Variants in CACNA1D observed in about 807,000 individuals in gnomAD.
CACNA1D encodes the protein voltage-dependent L-type calcium channel subunit alpha-1D.
Under a neutral mutation model 257.1 loss-of-function variants are expected in CACNA1D, and 55 were observed. That is an observed-to-expected ratio of 0.21 (90% CI 0.17 to 0.27). The LOEUF is 0.27. Ranked by LOEUF, CACNA1D falls within the 10% of genes least tolerant of loss-of-function variation. The probability of loss-of-function intolerance (pLI) is 1.00; values close to 1 mark genes in which losing one functional copy is unlikely to be tolerated. For synonymous variants in CACNA1D, 980 were observed against 1,014.9 expected (o/e 0.97, Z 0.65); for missense variants, 1,876 against 2,784.0 (o/e 0.67, Z 7.34).
intron 20 of CACNA1D, among the ~76,000 whole-genome samples, chr3:53,737,184 C>T (rs574511659): frequency 4.6e-5 from 7 of 152,044 alleles, no homozygotes; most frequent in Non-Finnish European, 7.4e-5. Context: ...CCTGTAGTCC[C>T]GACTACTCGG....
intron 3 of CACNA1D, among the ~76,000 whole-genome samples, chr3:53,505,086 T>C (rs1415184436): frequency 6.6e-6 from 1 of 151,658 alleles, no homozygotes; most frequent in African/African-American, 2.4e-5. Context: ...AAGTGCCTGA[T>C]GTACCAGGTG....
At chr3:53,544,625 C>T (rs2092373058) in intron 3 of CACNA1D, among the ~76,000 whole-genome samples, 1 of 152,186 alleles carries the variant, frequency 6.6e-6, no homozygotes, top group African/African-American at 2.4e-5. Context: ...TGCCTGTTCC[C>T]AGTGGGAGGT....
chr3:53,520,967 C>T (rs2091551968), intron 3 of CACNA1D, among the ~76,000 whole-genome samples: 1 of 147,120 alleles, frequency 6.8e-6, no homozygotes, highest in African/African-American at 2.5e-5. Flanking sequence ...CCTTTCCTCT[C>T]TCCCTTTCTC....
At chr3:53,512,149 A>T (rs1354888184) in intron 3 of CACNA1D, among the ~76,000 whole-genome samples, 1 of 152,218 alleles carries the variant, frequency 6.6e-6, no homozygotes, top group Non-Finnish European at 1.5e-5. Flanking sequence ...GTAGGCTTAC[A>T]CAAATTCTGA....
At chr3:53,744,883 AC>A (rs1210592372) in intron 23 of CACNA1D, 56 bp downstream of exon 23, 12 of 961,008 alleles carry the variant, frequency 1.2e-5, no homozygotes, top group Admixed American at 1.0e-4. Context: ...GGCTGTAATT[AC>A]TGGCTCTTCT....
intron 8 of CACNA1D, chr3:53,679,843 G>A (rs982179293): frequency 6.6e-6 from 1 of 152,200 alleles, no homozygotes; most frequent in Non-Finnish European, 1.5e-5. Context: ...TGAATGCTGA[G>A]GTTAGGGTGC....
At chr3:53,769,892 T>C in intron 30 of CACNA1D, 81 bp from the exon 31 acceptor site, 1 of 1,117,526 alleles carries the variant, frequency 8.9e-7, no homozygotes, top group African/African-American at 1.5e-5. Context: ...CCACACATTT[T>C]TTTAAAGGGG....
chr3:53,667,953 A>G (rs2108378208), intron 7 of CACNA1D, among the ~76,000 whole-genome samples: 1 of 152,252 alleles, frequency 6.6e-6, no homozygotes, highest in Admixed American at 6.5e-5. Context: ...TGGCTTCTGT[A>G]TGCAGGAGGG....
intron 3 of CACNA1D, among the ~76,000 whole-genome samples, chr3:53,627,522 C>A (rs965546055): frequency 2.7e-5 from 4 of 150,286 alleles, no homozygotes; most frequent in African/African-American, 9.8e-5. Context: ...GGAAGGGGAC[C>A]TCCCTCTAGC....
intron 45 of CACNA1D, among the ~76,000 whole-genome samples, chr3:53,805,976 T>TCCCTCCTCCTCCCTCCCTCATCTC (rs2095562655): frequency 2.5e-5 from 2 of 81,168 alleles, no homozygotes; most frequent in Non-Finnish European, 4.9e-5. Flanking sequence ...TCCCTCATCT[T>TCCCTCCTCCTCCCTCCCTCATCTC]CCCTCCTCCT....
At chr3:53,703,965 G>C (rs1444786761) in intron 9 of CACNA1D, among the ~76,000 whole-genome samples, 1 of 152,188 alleles carries the variant, frequency 6.6e-6, no homozygotes, top group Non-Finnish European at 1.5e-5. Context: ...AGGATGGATG[G>C]ATTGCAGGTG....
chr3:53,713,510 G>A (rs1163779600), intron 9 of CACNA1D, among the ~76,000 whole-genome samples: 1 of 122,974 alleles, frequency 8.1e-6, no homozygotes, highest in Non-Finnish European at 1.6e-5. Flanking sequence ...GTATGTGTGT[G>A]TGTGTGTGTG....
At chr3:53,562,022 A>G (rs192174824) in intron 3 of CACNA1D, among the ~76,000 whole-genome samples, 4 of 152,336 alleles carry the variant, frequency 2.6e-5, no homozygotes, top group African/African-American at 9.6e-5. Context: ...TTCGTGCCAG[A>G]TAGTTTTGTA....
chr3:53,631,801 A>T (rs911917190), intron 3 of CACNA1D, among the ~76,000 whole-genome samples: 2 of 152,216 alleles, frequency 1.3e-5, no homozygotes, highest in African/African-American at 4.8e-5. Flanking sequence ...GTGCATCTCC[A>T]TCAGATCAGG....
At chr3:53,596,573 A>T (rs2093373170) in intron 3 of CACNA1D, among the ~76,000 whole-genome samples, 1 of 152,212 alleles carries the variant, frequency 6.6e-6, no homozygotes, top group Non-Finnish European at 1.5e-5. Context: ...GGGCCTACCC[A>T]ATCCTTACAA....
At chr3:53,753,928 T>C (rs1448587662) in intron 29 of CACNA1D, among the ~76,000 whole-genome samples, 4 of 152,262 alleles carry the variant, frequency 2.6e-5, no homozygotes, top group Admixed American at 2.6e-4. Flanking sequence ...TGGGAATTTG[T>C]AAACTGCAGA....
chr3:53,691,200 C>G (rs1267461237), intron 8 of CACNA1D, among the ~76,000 whole-genome samples: 1 of 150,020 alleles, frequency 6.7e-6, no homozygotes, highest in Non-Finnish European at 1.5e-5. Context: ...AGTACAATGG[C>G]GCGATCTCAG....
In CACNA1D at chr3:53,805,028, C is replaced by T; in HGVS notation, c.5631C>T (p.Asp1877=). The change falls in exon 45 of 48, where the codon GAC becomes GAT. Residue 1877 remains aspartate (D), a synonymous_variant. Transcript: ENST00000350061. The part of the protein sequence containing the change: ...YYSRYPGRNI[D]SERPRGYHHP... ...GCAGATACCCAGGCAGAAACATCGA[C>T]TCTGAGAGGCCCCGAGGCTACCATC... 1 of 1,614,190 alleles carries T rather than the reference C, an allele frequency of 6.2e-7. No individual in the cohort carries two copies. Among genetic ancestry groups the T allele is most frequent in the Non-Finnish European group, 8.5e-7 (1 of 1,180,024 alleles).
chr3:53,747,101 A>G (rs182835175), intron 25 of CACNA1D, among the ~76,000 whole-genome samples: 2 of 152,252 alleles, frequency 1.3e-5, no homozygotes, highest in South Asian at 2.1e-4. Context: ...TAGTTATTCA[A>G]TGGTTATTTG....
Sources: allele counts gnomAD v4.1 joint callset (sites outside exome capture counted in the v4.1 genomes callset), GRCh38; gene constraint gnomAD v4.1.1; transcripts MANE v1.5; gene names NCBI Gene and HGNC (gene_info 2026-07-23, HGNC 2026-07-21).